BBOF1: variants seen among roughly 807,000 people sequenced by gnomAD.
BBOF1 encodes basal body-orientation factor 1.
BBOF1 carries 62 observed loss-of-function variants against 68.0 expected under a neutral mutation model. The ratio of observed to expected loss-of-function variants is 0.91; its 90% CI spans 0.74 to 1.13. The LOEUF (loss-of-function observed/expected upper bound fraction) is 1.13. Ranked by LOEUF, BBOF1 falls within the 50% of genes most tolerant of loss-of-function variation. BBOF1 has a pLI of 0.00. For synonymous variants in BBOF1, 208 were observed against 198.8 expected, an observed-to-expected ratio of 1.05 and a Z score of -0.39; for missense variants, 534 against 600.1, an observed-to-expected ratio of 0.89 and a Z score of 1.15.
intron 11 of BBOF1, chr14:74,060,646 C>G (rs183066442): frequency 1.9e-5 from 30 of 1,606,390 alleles, no homozygotes; most frequent in Non-Finnish European, 2.6e-5. Context: ...TTGTTTCTAA[C>G]GGCCCATGGT....
At chr14:74,050,283 T>C (rs1284123303) in intron 8 of BBOF1, 88 bp downstream of exon 8, 11 of 1,413,232 alleles carry the variant, frequency 7.8e-6, no homozygotes, top group Non-Finnish European at 1.0e-5. Context: ...AGTTTTATAA[T>C]ATTCAAGTAT....
intron 9 of BBOF1, chr14:74,071,557 G>C (rs1406584528): frequency 1.9e-6 from 3 of 1,611,452 alleles, no homozygotes; most frequent in Non-Finnish European, 2.5e-6. Flanking sequence ...GCTTTGTCCT[G>C]TTCTCTTCAG....
In BBOF1 at chr14:74,065,387, G is replaced by T; in HGVS notation, c.*688G>T. The T allele has an allele frequency of 6.2e-7, 1 of 1,610,440 alleles. No individual in the cohort carries two copies. Among genetic ancestry groups the T allele is most frequent in the Non-Finnish European group, 8.5e-7 (1 of 1,177,950 alleles). On this transcript the variant is annotated 3_prime_UTR_variant, in exon 12 of 12. Transcript: ENST00000394009. ...TGCCAGGAGTGATGCATCCAGAAAA[G>T]AAGTCAGCTTTTTGGATTCTGAGTA...
At position 74,071,244 on chromosome 14, in the gene BBOF1, A is replaced by C; in HGVS notation, n.1380-6952A>C. 2 of 1,614,182 alleles carry C rather than the reference A, an allele frequency of 1.2e-6. No homozygotes were observed. The highest frequency in any genetic ancestry group is 2.7e-5 in the African/African-American group (2 of 75,038). ...TTAATGTTCCATCAGGGGCACCAGA[A>C]TCCTGGAGCAACTTAGCAAGAAGCA... On this transcript the variant is annotated intron_variant and non_coding_transcript_variant, in intron 9 of 12. Coordinates refer to the BBOF1 transcript ENST00000492026.
At chr14:74,029,049 C>G in intron 2 of BBOF1, 135 bp from the exon 3 acceptor site, 1 of 569,648 alleles carries the variant, frequency 1.8e-6, no homozygotes, top group Middle Eastern at 4.8e-4. Flanking sequence ...AATTTCCTGT[C>G]CCCTCTTCTC....
intron 1 of BBOF1, among the ~76,000 whole-genome samples, chr14:74,019,915 G>T (rs944444045): frequency 4.6e-5 from 7 of 152,222 alleles, no homozygotes; most frequent in Non-Finnish European, 1.0e-4. Context: ...ATTGCTACTA[G>T]CCCTATTGGG....
chr14:74,066,843 C>T, downstream of BBOF1: 20 of 1,614,082 alleles, frequency 1.2e-5, no homozygotes, highest in Non-Finnish European at 1.7e-5. Flanking sequence ...GCTCTTTGGC[C>T]TGGGGAGTGA....
chr14:74,051,716 A>C (rs2060071444), intron 8 of BBOF1, among the ~76,000 whole-genome samples: 2 of 151,674 alleles, frequency 1.3e-5, no homozygotes, highest in Non-Finnish European at 2.9e-5. Context: ...TTTGAGGGTT[A>C]TTCTGAAAGA....
At chr14:74,074,838 G>A (rs989475736) in intron 9 of BBOF1, 1 of 1,074,546 alleles carries the variant, frequency 9.3e-7, no homozygotes, top group African/African-American at 1.6e-5. Flanking sequence ...CCAAAAGGAG[G>A]AAAAAACTAG....
In BBOF1 at chr14:74,064,810, C is replaced by T; in HGVS notation, c.*111C>T. The T allele has an allele frequency of 6.2e-7, 1 of 1,613,702 alleles. No individual in the cohort carries two copies. Among genetic ancestry groups the T allele is most frequent in the Non-Finnish European group, 8.5e-7 (1 of 1,179,644 alleles). ...TTAAAGGAAAAGACAAAAAATTTAA[C>T]TCAAAAGTTACCTGTTTGCCATAGA... On this transcript the variant is annotated 3_prime_UTR_variant, in exon 12 of 12. Coordinates refer to ENST00000394009, the MANE Select transcript of BBOF1 (RefSeq NM_025057.3).
At chr14:74,027,535 A>G (rs2059462997) in intron 2 of BBOF1, among the ~76,000 whole-genome samples, 1 of 151,876 alleles carries the variant, frequency 6.6e-6, no homozygotes, top group Admixed American at 6.6e-5. Flanking sequence ...TACTGGGTGA[A>G]AGTTTGATGA....
At chr14:74,071,613 A>G in intron 9 of BBOF1, 2 of 1,584,322 alleles carry the variant, frequency 1.3e-6, no homozygotes, top group Admixed American at 1.8e-5. Flanking sequence ...GGTGCAGGGT[A>G]CACTGACTTG....
chr14:74,049,587 A>C (rs2060021180), intron 7 of BBOF1, 115 bp from the exon 8 acceptor site: 1 of 846,614 alleles, frequency 1.2e-6, no homozygotes. Context: ...GCTTGAACCC[A>C]GGAGATGGAG....
At position 74,019,526 on chromosome 14, in the gene BBOF1, A is replaced by T; in HGVS notation, c.48A>T (p.Lys16Asn). The T allele has an allele frequency of 6.2e-7, 1 of 1,600,090 alleles. No homozygotes were observed. Among genetic ancestry groups the T allele is most frequent in the Non-Finnish European group, 8.5e-7 (1 of 1,173,232 alleles). The change falls in exon 1 of 12, where the codon AAA (lysine) becomes AAT (asparagine). Residue 16 changes from lysine (K) to asparagine (N), a missense_variant. Transcript: ENST00000394009. ...AAAAGAAAGGCAAGAGCAAAGGCAA[A>T]GACACGAAGTAAGGAGAAGCCACCC... ...KDKKKGKSKG[K>N]DTKKLIKTDE...
chr14:74,056,892 T>G lies in BBOF1; in HGVS notation c.1389-14T>G. On this transcript the variant is annotated splice_polypyrimidine_tract_variant and intron_variant, in intron 9 of 11. Coordinates refer to ENST00000394009, the MANE Select transcript of BBOF1 (RefSeq NM_025057.3). ...GCCTCATTCATTATCTTTGTTGACT[T>G]TTACCCACTACAGGAAATACAACCA... The G allele has an allele frequency of 6.3e-7, 1 of 1,595,700 alleles. No homozygotes were observed. The highest frequency in any genetic ancestry group is 8.6e-7 in the Non-Finnish European group (1 of 1,164,190).
chr14:74,067,326 G>T, downstream of BBOF1: 1 of 1,602,168 alleles, frequency 6.2e-7, no homozygotes, highest in South Asian at 1.1e-5. Flanking sequence ...CAGAACCCAA[G>T]AGCTTAATGC....
In BBOF1 at chr14:74,055,182, CTT is replaced by C. The variant is rs757152178; in HGVS notation, c.1287-399_1287-398del. On this transcript the variant is annotated intron_variant, in intron 8 of 11. Coordinates refer to ENST00000394009, the MANE Select transcript of BBOF1 (RefSeq NM_025057.3). The stretch of plus-strand genomic sequence containing the variant: ...TTTTTTTTTGAGACGGAGTTTCACT[CTT>C]TTCTCCCAGGCTGGAGCACAGTGGC... 247 of 154,888 alleles carry C rather than the reference CTT, an allele frequency of 1.6e-3. 1 individual carries two copies. The highest frequency in any genetic ancestry group is 2.3e-3 in the Non-Finnish European group (164 of 70,516). 9.6% of individuals were successfully genotyped at this position (154,888 alleles called of 1,614,324 possible).
chr14:74,074,564 T>C (rs2060591113), intron 9 of BBOF1, among the ~76,000 whole-genome samples: 1 of 152,134 alleles, frequency 6.6e-6, no homozygotes, highest in Non-Finnish European at 1.5e-5. Context: ...GGACACTAAA[T>C]TTTTAAAGCG....
At chr14:74,081,624 C>G (rs1391294520) in intron 12 of BBOF1, among the ~76,000 whole-genome samples, 2 of 152,100 alleles carry the variant, frequency 1.3e-5, no homozygotes, top group Admixed American at 6.5e-5. Context: ...TGTTTACTTC[C>G]TACTTGCTAT....
Sources: allele counts gnomAD v4.1 joint callset (sites outside exome capture counted in the v4.1 genomes callset), GRCh38; gene constraint gnomAD v4.1.1; transcripts MANE v1.5; gene names NCBI Gene and HGNC (gene_info 2026-07-23, HGNC 2026-07-21).